Variants in EYS observed in about 807,000 individuals in gnomAD.
The protein encoded by EYS is EGF-like photoreceptor maintenance factor, also known as protein eyes shut homolog.
A neutral mutation model predicts 282.1 loss-of-function variants in EYS; 250 were observed. That is an observed-to-expected ratio of 0.89 (90% CI 0.80 to 0.98). The LOEUF is 0.98. EYS is among the 50% of genes least tolerant of loss of function. The pLI, the probability that EYS is intolerant of heterozygous loss-of-function variation, is 0.00. For missense variants in EYS, 4,016 were observed against 3,709.0 expected (o/e 1.08, Z -2.15); for synonymous variants, 1,355 against 1,282.9 (o/e 1.06, Z -1.20).
At chr6:65,044,773 C>A (rs1773049757) in intron 13 of EYS, among the ~76,000 whole-genome samples, 1 of 151,794 alleles carries the variant, frequency 6.6e-6, no homozygotes, top group South Asian at 2.1e-4. Context: ...GTCATTCAGG[C>A]ATTAACAAAG....
At chr6:64,232,597 G>A (rs967808857) in intron 30 of EYS, among the ~76,000 whole-genome samples, 8 of 152,040 alleles carry the variant, frequency 5.3e-5, no homozygotes, top group African/African-American at 1.9e-4. Flanking sequence ...CCCCATGTTG[G>A]ACAGGCTGGT....
chr6:64,455,591 A>G (rs1021108349), intron 26 of EYS, among the ~76,000 whole-genome samples: 2 of 151,596 alleles, frequency 1.3e-5, no homozygotes, highest in East Asian at 3.9e-4. Flanking sequence ...GTCCTAATGC[A>G]CTCCCTCCCC....
At chr6:64,819,178 A>G (rs1764826135) in intron 21 of EYS, among the ~76,000 whole-genome samples, 1 of 152,170 alleles carries the variant, frequency 6.6e-6, no homozygotes, top group Non-Finnish European at 1.5e-5. Context: ...GCAGCTAGTA[A>G]GTAAGATAGA....
At chr6:65,253,765 G>C (rs1767388053) in intron 12 of EYS, among the ~76,000 whole-genome samples, 1 of 151,790 alleles carries the variant, frequency 6.6e-6, no homozygotes, top group Non-Finnish European at 1.5e-5. Context: ...TTAATAGAGT[G>C]CTACTTCAAA....
intron 37 of EYS, among the ~76,000 whole-genome samples, chr6:63,801,329 G>T (rs1415571309): frequency 6.6e-6 from 1 of 152,156 alleles, no homozygotes; most frequent in African/African-American, 2.4e-5. Context: ...GTGTTTCATA[G>T]AACATGGGGG....
intron 35 of EYS, among the ~76,000 whole-genome samples, chr6:63,924,653 G>A (rs1393132087): frequency 6.6e-6 from 1 of 152,112 alleles, no homozygotes; most frequent in African/African-American, 2.4e-5. Context: ...AGTTTCTATA[G>A]GGGCTCAGAT....
intron 34 of EYS, among the ~76,000 whole-genome samples, chr6:63,993,490 C>G (rs1239744840): frequency 1.3e-5 from 2 of 151,544 alleles, no homozygotes; most frequent in South Asian, 4.2e-4. Flanking sequence ...TTTCAGGATA[C>G]AAAAATCAGC....
chr6:64,096,601 T>C (rs927255210), intron 31 of EYS, among the ~76,000 whole-genome samples: 61 of 152,226 alleles, frequency 4.0e-4, no homozygotes, highest in African/African-American at 1.4e-3. Context: ...TTCAGCTCCA[T>C]CAGGTCCTTT....
intron 35 of EYS, among the ~76,000 whole-genome samples, chr6:63,956,654 TATAC>T (rs1765837926): frequency 6.6e-6 from 1 of 152,236 alleles, no homozygotes; most frequent in African/African-American, 2.4e-5. Flanking sequence ...GATGTTTTGA[TATAC>T]ATACATACAT....
At chr6:65,558,178 C>T (rs1474464926) in intron 2 of EYS, among the ~76,000 whole-genome samples, 2 of 152,202 alleles carry the variant, frequency 1.3e-5, no homozygotes, top group African/African-American at 2.4e-5. Context: ...ATCCAGCGTG[C>T]CCAGGCTGTC....
intron 36 of EYS, among the ~76,000 whole-genome samples, chr6:63,842,040 C>T (rs1771974742): frequency 6.6e-6 from 1 of 152,126 alleles, no homozygotes; most frequent in Non-Finnish European, 1.5e-5. Context: ...CATGTCTTTG[C>T]TATTGTGAAT....
At chr6:65,579,065 G>A (rs1300733172) in intron 2 of EYS, among the ~76,000 whole-genome samples, 3 of 152,122 alleles carry the variant, frequency 2.0e-5, no homozygotes, top group Non-Finnish European at 4.4e-5. Context: ...ACTGGATTAA[G>A]TTTTCTTCAA....
intron 33 of EYS, among the ~76,000 whole-genome samples, chr6:64,033,869 G>C (rs1169822366): frequency 6.7e-6 from 1 of 149,704 alleles, no homozygotes; most frequent in African/African-American, 2.5e-5. Flanking sequence ...TATAAAATTG[G>C]GAGTGGACTT....
chr6:63,949,774 T>C (rs1765513281), intron 35 of EYS, among the ~76,000 whole-genome samples: 1 of 152,234 alleles, frequency 6.6e-6, no homozygotes, highest in African/African-American at 2.4e-5. Context: ...GTTGGATTCC[T>C]AAGAACCTTT....
chr6:64,901,857 A>G (rs1464344285), intron 18 of EYS, among the ~76,000 whole-genome samples: 1 of 152,316 alleles, frequency 6.6e-6, no homozygotes, highest in Non-Finnish European at 1.5e-5. Flanking sequence ...TTTGCTTATA[A>G]TAACATGGAA....
chr6:64,088,507 TAAATC>T (rs1772238862), intron 31 of EYS, among the ~76,000 whole-genome samples: 1 of 151,924 alleles, frequency 6.6e-6, no homozygotes, highest in African/African-American at 2.4e-5. Flanking sequence ...GAACATCTAA[TAAATC>T]AAGATGGAGA....
At chr6:65,648,245 G>T (rs1249792945) in intron 1 of EYS, among the ~76,000 whole-genome samples, 6 of 151,810 alleles carry the variant, frequency 4.0e-5, no homozygotes, top group Admixed American at 3.3e-4. Context: ...TATAGCAGCA[G>T]AATCTGCAAT....
intron 2 of EYS, among the ~76,000 whole-genome samples, chr6:65,595,124 A>G (rs904897751): frequency 1.3e-5 from 2 of 152,178 alleles, no homozygotes; most frequent in African/African-American, 4.8e-5. Flanking sequence ...TACACCATGG[A>G]ATACTATTCA....
At chr6:64,210,860 T>C (rs557866152) in intron 31 of EYS, among the ~76,000 whole-genome samples, 1 of 152,214 alleles carries the variant, frequency 6.6e-6, no homozygotes, top group African/African-American at 2.4e-5. Context: ...GGCCTGCGTA[T>C]AACAAAAAAG....
Sources: gnomAD v4.1 joint callset for allele counts (sites outside exome capture counted in the v4.1 genomes callset) on GRCh38, gnomAD v4.1.1 for gene constraint, MANE v1.5 for transcripts, NCBI Gene and HGNC (gene_info 2026-07-23, HGNC 2026-07-21) for gene names.